The following SLFN12L variants were observed in gnomAD, a reference collection of about 807,000 sequenced individuals.
SLFN12L encodes the protein schlafen family member 12 like.
SLFN12L carries 34 observed loss-of-function variants against 34.8 expected under a neutral mutation model. The ratio of observed to expected loss-of-function variants is 0.98; its 90% CI spans 0.74 to 1.30. The LOEUF (loss-of-function observed/expected upper bound fraction) is 1.30. Among genes scored for constraint, SLFN12L ranks in the 50% most tolerant of loss-of-function variants. The pLI, the probability that SLFN12L is intolerant of heterozygous loss-of-function variation, is 0.00. For missense variants in SLFN12L, 703 were observed against 696.2 expected (o/e 1.01, Z -0.11); for synonymous variants, 259 against 247.5 (o/e 1.05, Z -0.44).
chr17:35,496,861 G>T (rs1452817949), intron 2 of SLFN12L, among the ~76,000 whole-genome samples: 1 of 152,132 alleles, frequency 6.6e-6, no homozygotes, highest in Admixed American at 6.5e-5. Context: ...AAGTCACCAA[G>T]GGCCCAAAAC....
At chr17:35,525,923 A>G (rs1315375235) in intron 1 of SLFN12L, among the ~76,000 whole-genome samples, 1 of 152,134 alleles carries the variant, frequency 6.6e-6, no homozygotes, top group African/African-American at 2.4e-5. Context: ...AAATTGGATA[A>G]AAGAGTCAAG....
intron 2 of SLFN12L, among the ~76,000 whole-genome samples, chr17:35,505,810 C>T (rs1193742652): frequency 6.6e-6 from 1 of 152,216 alleles, no homozygotes; most frequent in Admixed American, 6.5e-5. Context: ...CTGGTCCACG[C>T]ATGGCTGAAG....
At chr17:35,485,842 T>A (rs1914558587) in intron 2 of SLFN12L, among the ~76,000 whole-genome samples, 1 of 152,210 alleles carries the variant, frequency 6.6e-6, no homozygotes, top group East Asian at 1.9e-4. Flanking sequence ...TTTATTCTGT[T>A]CCATTGGTCT....
chr17:35,475,265 G>A lies in SLFN12L; in HGVS notation c.1497C>T (p.Tyr499=). 1 of 1,614,176 alleles carries A rather than the reference G, an allele frequency of 6.2e-7. No homozygotes were observed. The highest frequency in any genetic ancestry group is 1.1e-5 in the South Asian group (1 of 91,084). Residue 499 remains tyrosine, a synonymous_variant, in exon 5 of 5, where the codon TAC becomes TAT. Coordinates refer to ENST00000628453, the MANE Select transcript of SLFN12L (RefSeq NM_001363830.2). Reference sequence around the variant, plus strand: ...CCTCATCCTGTACCATGTGGAAGGTGTATAGGACTGGAGGCTTGTCCTGGG... The same window carrying A: ...CCTCATCCTGTACCATGTGGAAGGTATATAGGACTGGAGGCTTGTCCTGGG... ...LISQDKPPVL[Y]TFHMVQDEEF...
intron 4 of SLFN12L, among the ~76,000 whole-genome samples, chr17:35,477,679 A>G (rs1914096725): frequency 6.6e-6 from 1 of 152,086 alleles, no homozygotes; most frequent in South Asian, 2.1e-4. Context: ...TCTTCCATGT[A>G]TATACCCAAA....
At chr17:35,500,543 C>A (rs540877874) in intron 2 of SLFN12L, 1 of 152,376 alleles carries the variant, frequency 6.6e-6, no homozygotes, top group African/African-American at 2.4e-5. Flanking sequence ...TCCTGGTTAA[C>A]ATGGTGAAAC....
At chr17:35,476,140 C>T (rs1913994950) in intron 4 of SLFN12L, among the ~76,000 whole-genome samples, 1 of 151,948 alleles carries the variant, frequency 6.6e-6, no homozygotes, top group South Asian at 2.1e-4. Context: ...AGCAGTTTTA[C>T]TGGGCTAAAG....
intron 2 of SLFN12L, among the ~76,000 whole-genome samples, chr17:35,518,549 TAAA>T (rs145135287): frequency 2.2e-5 from 3 of 137,882 alleles, no homozygotes; most frequent in African/African-American, 2.7e-5. Context: ...AGACTGTATT[TAAA>T]AAAAAAAAAA....
intron 2 of SLFN12L, among the ~76,000 whole-genome samples, chr17:35,515,993 A>G (rs1272135267): frequency 6.6e-6 from 1 of 151,914 alleles, no homozygotes; most frequent in African/African-American, 2.4e-5. Flanking sequence ...TTTGGGCTTA[A>G]TTTCTTATTT....
intron 2 of SLFN12L, among the ~76,000 whole-genome samples, chr17:35,515,624 C>T (rs565752130): frequency 2.8e-5 from 4 of 143,374 alleles, no homozygotes; most frequent in East Asian, 2.1e-4. Context: ...GCGGCCACCA[C>T]GCCCGGCAAT....
intron 2 of SLFN12L, among the ~76,000 whole-genome samples, chr17:35,483,591 A>C (rs1311530495): frequency 6.6e-6 from 1 of 152,180 alleles, no homozygotes; most frequent in Non-Finnish European, 1.5e-5. Context: ...AAGTCACCCA[A>C]TTTATGGTAT....
intron 1 of SLFN12L, among the ~76,000 whole-genome samples, chr17:35,536,916 C>T (rs1478781279): frequency 6.7e-6 from 1 of 149,884 alleles, no homozygotes; most frequent in Non-Finnish European, 1.5e-5. Context: ...TGGCTAATGT[C>T]TATAATCCCA....
At position 35,475,334 on chromosome 17, in the gene SLFN12L, G is replaced by A. The variant is rs754499793; in HGVS notation, c.1428C>T (p.Gly476=). The change falls in exon 5 of 5, where the codon GGC becomes GGT. Residue 476 remains glycine (G), a synonymous_variant. Coordinates refer to ENST00000628453, the MANE Select transcript of SLFN12L (RefSeq NM_001363830.2). ...IFSRSWSLDL[G]LQENHKVLCD... ...AGAGGACTTTGTGGTTCTCTTGCAA[G>A]CCCAGATCCAAAGACCAGCTCCTAG... 3.1e-6 allele frequency: 5 copies of A among 1,614,180 alleles called. No homozygotes were observed. Among genetic ancestry groups the A allele is most frequent in the Admixed American group, 3.3e-5 (2 of 60,028 alleles).
intron 1 of SLFN12L, among the ~76,000 whole-genome samples, chr17:35,523,236 C>T (rs1364750614): frequency 6.6e-6 from 1 of 152,162 alleles, no homozygotes; most frequent in Non-Finnish European, 1.5e-5. Flanking sequence ...AAGAATAGCA[C>T]ATTTCCTATG....
intron 2 of SLFN12L, among the ~76,000 whole-genome samples, chr17:35,504,219 A>C (rs1457920233): frequency 6.6e-6 from 1 of 152,132 alleles, no homozygotes; most frequent in Non-Finnish European, 1.5e-5. Flanking sequence ...ATAAATTGGG[A>C]CCATTTAATC....
At chr17:35,497,452 A>C (rs1284128678) in intron 2 of SLFN12L, among the ~76,000 whole-genome samples, 1 of 152,058 alleles carries the variant, frequency 6.6e-6, no homozygotes, top group African/African-American at 2.4e-5. Flanking sequence ...AAAAGCAAAA[A>C]ACAAAACAAT....
Position 35,466,067 on chromosome 17 carries a change from G to T in SLFN12L, c.*8856C>A, listed in dbSNP as rs534456877. 6.6e-6 allele frequency among the ~76,000 whole-genome samples: 1 copy of T among 151,928 alleles called. No homozygotes were observed. The highest frequency in any genetic ancestry group is 2.4e-5 in the African/African-American group (1 of 41,328). On this transcript the variant is annotated 3_prime_UTR_variant, in exon 5 of 5. Transcript: ENST00000628453. The stretch of plus-strand genomic sequence containing the variant: ...AAGATTTTCCATATACCCACTGCCC[G>T]CACTCATGCATAGCCTCCCCCATTA...
Position 35,474,688 on chromosome 17 carries a change from G to GC in SLFN12L, c.*234_*235insG, listed in dbSNP as rs1555538092. The GC allele has an allele frequency of 3.2e-5, 4 of 126,464 alleles. No homozygotes were observed. Among genetic ancestry groups the GC allele is most frequent in the South Asian group, 2.0e-4 (2 of 9,916 alleles). The allele number at this position is 126,464 out of a possible 1,614,324, so 7.8% of individuals were successfully genotyped here. A position where few individuals can be genotyped will look rare whatever the true frequency, so the allele number is the denominator to read the frequency against. On this transcript the variant is annotated 3_prime_UTR_variant, in exon 5 of 5. Transcript: ENST00000628453. The stretch of plus-strand genomic sequence containing the variant: ...TGTACTCCTAGCACTTTGGGAGACC[G>GC]GGGGGGGGGGTTGAATCACGAGGTC...
chr17:35,490,998 A>G, intron 2 of SLFN12L: 1 of 788,008 alleles, frequency 1.3e-6, no homozygotes, highest in Non-Finnish European at 2.3e-6. Flanking sequence ...TCTATGGGAA[A>G]CCTTTCTCCT....
Sources: gnomAD v4.1 joint callset for allele counts (sites outside exome capture counted in the v4.1 genomes callset) on GRCh38, gnomAD v4.1.1 for gene constraint, MANE v1.5 for transcripts, NCBI Gene and HGNC (gene_info 2026-07-23, HGNC 2026-07-21) for gene names.